Variants in CANX observed in about 807,000 individuals in gnomAD.
CANX encodes epididymis secretory sperm binding protein.
CANX carries 14 observed loss-of-function variants against 75.7 expected under a neutral mutation model. That is an observed-to-expected ratio of 0.19 (90% CI 0.12 to 0.29). The LOEUF is 0.29. CANX is among the 10% of genes least tolerant of loss of function. The pLI is 1.00. For missense variants in CANX, 567 were observed against 713.2 expected (o/e 0.79, Z 2.34); for synonymous variants, 227 against 236.9 (o/e 0.96, Z 0.38).
intron 7 of CANX, chr5:179,715,864 T>TA (rs1276188740): frequency 7.0e-6 from 4 of 574,688 alleles, no homozygotes; most frequent in Non-Finnish European, 1.3e-5. Flanking sequence ...TCTTTGGTGT[T>TA]AAAGATTTTA....
upstream of CANX, chr5:179,694,786 C>CAA (rs5873660): frequency 0.24 from 93,845 of 383,490 alleles, 4,247 homozygotes; most frequent in Non-Finnish European, 0.29. Context: ...GTTTATCTGT[C>CAA]AAAAAAAAAA....
intron 1 of CANX, among the ~76,000 whole-genome samples, chr5:179,702,659 T>C (rs1427459726): frequency 6.6e-6 from 1 of 152,168 alleles, no homozygotes; most frequent in Non-Finnish European, 1.5e-5. Context: ...AACACGGGTC[T>C]GCAAATATCT....
At chr5:179,716,444 C>A in intron 8 of CANX, 150 bp downstream of exon 8, 1 of 617,854 alleles carries the variant, frequency 1.6e-6, no homozygotes, top group Non-Finnish European at 2.8e-6. Flanking sequence ...AGTACTATAG[C>A]TGGAAAGGGG....
chr5:179,720,366 C>T (rs749811087), intron 9 of CANX, 38 bp from the exon 10 acceptor site: 3 of 1,590,104 alleles, frequency 1.9e-6, no homozygotes, highest in Admixed American at 3.3e-5. Context: ...TCCTGCATCA[C>T]AGAACCTGTT....
chr5:179,709,118 T>C (rs1283164426), intron 6 of CANX, 59 bp downstream of exon 6: 1 of 1,065,300 alleles, frequency 9.4e-7, no homozygotes, highest in Non-Finnish European at 1.5e-6. Flanking sequence ...TGTAAGAATT[T>C]TGTAATTGGG....
chr5:179,731,271 T>G lies in CANX; in HGVS notation c.*2627T>G, dbSNP rs1373397401. Among the ~76,000 whole-genome samples, 1 of 152,202 alleles carries G rather than the reference T, an allele frequency of 6.6e-6. No individual in the cohort carries two copies. The highest frequency in any genetic ancestry group is 1.9e-4 in the East Asian group (1 of 5,208). ...GAACTTTGAAATTTTTATTAGAAAA[T>G]TATTTGTTCAGAATCAGACTCCATT... On this transcript the variant is annotated 3_prime_UTR_variant, in exon 15 of 15. Coordinates refer to ENST00000247461, the MANE Select transcript of CANX (RefSeq NM_001746.4).
At position 179,710,022 on chromosome 5, in the gene CANX, G is replaced by T. The variant is rs1381497792; in HGVS notation, c.678G>T (p.Leu226=). 6.2e-7 allele frequency: 1 copy of T among 1,610,894 alleles called. No individual in the cohort carries two copies. Among genetic ancestry groups the T allele is most frequent in the Admixed American group, 1.7e-5 (1 of 59,328 alleles). The change falls in exon 7 of 15, where the codon CTG becomes CTT. Residue 226 remains leucine, a synonymous_variant. Coordinates refer to ENST00000247461, the MANE Select transcript of CANX (RefSeq NM_001746.4). ...EKHAKRPDAD[L]KTYFTDKKTH... The stretch of plus-strand genomic sequence containing the variant: ...ATGCTAAGAGGCCAGATGCAGATCT[G>T]AAGACCTATTTTACTGATAAGAAAA...
At chr5:179,682,708 TCA>T (rs1776098654) in intron 1 of CANX, among the ~76,000 whole-genome samples, 1 of 34,584 alleles carries the variant, frequency 2.9e-5, no homozygotes. Flanking sequence ...AGACTCTGTC[TCA>T]AAAAAAAAAA....
intron 1 of CANX, among the ~76,000 whole-genome samples, chr5:179,703,142 A>G (rs1776880993): frequency 6.6e-6 from 1 of 151,608 alleles, no homozygotes. Context: ...CGAATTCCTG[A>G]CCTCAGATGA....
chr5:179,698,955 C>A (rs953594761), upstream of CANX: 75 of 1,116,828 alleles, frequency 6.7e-5, 1 homozygote, highest in South Asian at 9.2e-4. Flanking sequence ...CGGTGGGGCT[C>A]GCTCGCGCGG....
intron 1 of CANX, among the ~76,000 whole-genome samples, chr5:179,680,632 A>G (rs1437395803): frequency 3.3e-5 from 5 of 152,166 alleles, no homozygotes; most frequent in Non-Finnish European, 7.3e-5. Context: ...CAGGAAGTCC[A>G]AAGTCCAGAT....
At chr5:179,728,439 C>T (rs1778801740) in intron 14 of CANX, 152 bp from the exon 15 acceptor site, 1 of 603,974 alleles carries the variant, frequency 1.7e-6, no homozygotes, top group African/African-American at 1.9e-5. Context: ...ACCTCTGAGA[C>T]AACCATTCTT....
chr5:179,692,004 T>A (rs1776306968), intron 1 of CANX, among the ~76,000 whole-genome samples: 1 of 151,438 alleles, frequency 6.6e-6, no homozygotes, highest in Non-Finnish European at 1.5e-5. Context: ...ACAGTCTCGA[T>A]CTCCTGACCT....
In CANX at chr5:179,716,268, T is replaced by A; in HGVS notation, c.885T>A (p.Asp295Glu). 6.2e-7 allele frequency: 1 copy of A among 1,614,070 alleles called. No homozygotes were observed. The highest frequency in any genetic ancestry group is 8.5e-7 in the Non-Finnish European group (1 of 1,179,966). ...EDWDERPKIP[D>E]PEAVKPDDWD... ...GGGATGAAAGACCAAAAATCCCAGA[T>A]CCAGAAGCTGTCAAGCCAGATGACT... Residue 295 changes from aspartate to glutamate, a missense_variant, in exon 8 of 15, where the codon GAT becomes GAA. Physicochemically the swap from Asp to Glu is conservative, Grantham distance 45. Coordinates refer to ENST00000247461, the MANE Select transcript of CANX (RefSeq NM_001746.4).
At chr5:179,718,600 C>G (rs550488081) in intron 8 of CANX, among the ~76,000 whole-genome samples, 1 of 152,016 alleles carries the variant, frequency 6.6e-6, no homozygotes, top group Non-Finnish European at 1.5e-5. Flanking sequence ...GTGATCTTGG[C>G]TCACCACAAC....
rs530869199 is a variant in CANX, at chr5:179,702,862, C to T, written c.-3-2817C>T. Among the ~76,000 whole-genome samples, 489 of 152,000 alleles carry T rather than the reference C, an allele frequency of 3.2e-3. 2 individuals carry two copies. Among genetic ancestry groups the T allele is most frequent in the Admixed American group, 5.3e-3 (81 of 15,254 alleles). ...AACTCACACTGCAAACTCCACTTCC[C>T]GGGTTCAAGCTATTCTCCTGCCTCA... is the stretch of plus-strand genomic sequence containing the variant. On this transcript the variant is annotated intron_variant, in intron 1 of 14. Transcript: ENST00000247461.
rs1210533894 is a variant in CANX at position 179,699,064 on chromosome 5, A to C, written c.-42A>C. ...CGCGGGGCAAGGTGTGCGGGCGGGA[A>C]GGGGCACGGGCACCCCCGCGGTCCC... is the stretch of plus-strand genomic sequence containing the variant. On this transcript the variant is annotated 5_prime_UTR_variant, in exon 1 of 15. Coordinates refer to ENST00000247461, the MANE Select transcript of CANX (RefSeq NM_001746.4). 1 of 1,099,536 alleles carries C rather than the reference A, an allele frequency of 9.1e-7. No homozygotes were observed. The highest frequency in any genetic ancestry group is 1.1e-6 in the Non-Finnish European group (1 of 895,938). 68.1% of individuals were successfully genotyped at this position (1,099,536 alleles called of 1,614,324 possible). A position where few individuals can be genotyped will look rare whatever the true frequency, so the allele number is the denominator to read the frequency against.
At position 179,709,920 on chromosome 5, in the gene CANX, T is replaced by G. The variant is rs1777416435; in HGVS notation, c.576T>G (p.Asp192Glu). The G allele has an allele frequency of 1.2e-6, 2 of 1,611,810 alleles. No individual in the cohort carries two copies. The highest frequency in any genetic ancestry group is 1.7e-6 in the Non-Finnish European group (2 of 1,179,312). ...CTTATACGATTATGTTTGGTCCAGA[T>G]AAATGTGGAGAGGACTATAAACTGC... ...KTPYTIMFGP[D>E]KCGEDYKLHF... Residue 192 changes from aspartate (D) to glutamate (E), a missense_variant, in exon 7 of 15, where the codon GAT becomes GAG. Coordinates refer to ENST00000247461, the MANE Select transcript of CANX (RefSeq NM_001746.4).
At chr5:179,723,357 T>C in intron 11 of CANX, 1 of 419,136 alleles carries the variant, frequency 2.4e-6, no homozygotes, top group Non-Finnish European at 4.2e-6. Context: ...ATGTGGCCGA[T>C]TTAAGAATTG....
Sources: gnomAD v4.1 joint callset for allele counts (sites outside exome capture counted in the v4.1 genomes callset) on GRCh38, gnomAD v4.1.1 for gene constraint, MANE v1.5 for transcripts, NCBI Gene and HGNC (gene_info 2026-07-23, HGNC 2026-07-21) for gene names.